The following EFL1 variants were observed in gnomAD, a reference collection of about 807,000 sequenced individuals.
EFL1 encodes elongation factor like GTPase 1.
Under a neutral mutation model 126.7 loss-of-function variants are expected in EFL1, and 76 were observed. That is an observed-to-expected ratio of 0.60 (90% CI 0.50 to 0.73). The LOEUF (loss-of-function observed/expected upper bound fraction) is 0.73. Ranked by LOEUF, EFL1 falls within the 30% of genes least tolerant of loss-of-function variation. EFL1 has a pLI of 0.00. For missense variants in EFL1, 1,128 were observed against 1,343.2 expected, an observed-to-expected ratio of 0.84 and a Z score of 2.50; for synonymous variants, 410 against 448.4, an observed-to-expected ratio of 0.91 and a Z score of 1.08.
intron 14 of EFL1, 135 bp downstream of exon 14, chr15:82,219,517 T>C: frequency 3.2e-6 from 3 of 946,682 alleles, no homozygotes; most frequent in Non-Finnish European, 3.1e-6. Context: ...CACAAAAGGA[T>C]ACACAGTCAC....
At chr15:82,215,807 T>C (rs1200387728) in intron 14 of EFL1, 3 of 152,060 alleles carry the variant, frequency 2.0e-5, no homozygotes, top group Non-Finnish European at 2.9e-5. Context: ...TGTGCTAGGG[T>C]AGACTCTAGA....
At chr15:82,177,687 C>T (rs2074209172) in intron 15 of EFL1, among the ~76,000 whole-genome samples, 1 of 152,188 alleles carries the variant, frequency 6.6e-6, no homozygotes, top group Non-Finnish European at 1.5e-5. Flanking sequence ...AGTCCCAGCA[C>T]CACATGCTTC....
intron 15 of EFL1, among the ~76,000 whole-genome samples, chr15:82,187,158 C>T (rs1167208947): frequency 6.6e-6 from 1 of 152,204 alleles, no homozygotes. Flanking sequence ...AGCACTAGTG[C>T]TACTGTAGTG....
At chr15:82,218,341 T>C (rs886097994) in intron 14 of EFL1, among the ~76,000 whole-genome samples, 6 of 152,152 alleles carry the variant, frequency 3.9e-5, no homozygotes, top group Non-Finnish European at 5.9e-5. Context: ...TTAGGTTTTA[T>C]GGTGCTCTGG....
chr15:82,157,875 C>T lies in EFL1; in HGVS notation c.1883-15G>A, dbSNP rs375810682. ...AGGCATTTCACCTAGGTTAACAAAA[C>T]GAAATAGATTAAATATGATATAAGA... On this transcript the variant is annotated splice_polypyrimidine_tract_variant and intron_variant, in intron 16 of 19. Transcript: ENST00000268206. 5.9e-5 allele frequency: 95 copies of T among 1,606,872 alleles called. No individual in the cohort carries two copies. The highest frequency in any genetic ancestry group is 1.5e-4 in the African/African-American group (11 of 74,788).
intron 18 of EFL1, among the ~76,000 whole-genome samples, chr15:82,145,842 A>C (rs201132823): frequency 1.4e-5 from 1 of 72,754 alleles, no homozygotes; most frequent in Non-Finnish European, 2.8e-5. Context: ...ATCTCAAAAA[A>C]CCAAAAAAAA....
intron 15 of EFL1, among the ~76,000 whole-genome samples, chr15:82,177,545 AC>A (rs1361639135): frequency 6.6e-6 from 1 of 152,108 alleles, no homozygotes; most frequent in East Asian, 1.9e-4. Flanking sequence ...ACTTCTGTCT[AC>A]CCTCTGGCTC....
chr15:82,148,823 C>A (rs528189783), intron 18 of EFL1, among the ~76,000 whole-genome samples: 1 of 152,254 alleles, frequency 6.6e-6, no homozygotes, highest in Admixed American at 6.5e-5. Flanking sequence ...ATAAACACTG[C>A]GTTCCATAAA....
intron 15 of EFL1, among the ~76,000 whole-genome samples, chr15:82,172,874 A>G (rs970979469): frequency 3.9e-5 from 6 of 152,208 alleles, no homozygotes; most frequent in Admixed American, 2.0e-4. Flanking sequence ...AAATCACTTC[A>G]CTTTTATTTA....
chr15:82,208,126 TAA>T (rs1313448727), intron 15 of EFL1, among the ~76,000 whole-genome samples: 1 of 152,070 alleles, frequency 6.6e-6, no homozygotes, highest in East Asian at 1.9e-4. Flanking sequence ...TATATTAAAA[TAA>T]AAAGACAAAT....
intron 1 of EFL1, 63 bp from the exon 2 acceptor site, chr15:82,261,860 T>C (rs904373165): frequency 5.9e-5 from 78 of 1,313,286 alleles, no homozygotes; most frequent in Non-Finnish European, 7.5e-5. Context: ...AAGAAAAAAA[T>C]AATAATAAAC....
At chr15:82,203,359 G>A (rs1567061622) in intron 15 of EFL1, among the ~76,000 whole-genome samples, 1 of 152,078 alleles carries the variant, frequency 6.6e-6, no homozygotes, top group Admixed American at 6.5e-5. Flanking sequence ...TATATGGCAT[G>A]TACATGTTTT....
intron 12 of EFL1, 81 bp downstream of exon 12, chr15:82,225,082 GCC>G (rs540123015): frequency 1.0e-5 from 10 of 996,674 alleles, no homozygotes; most frequent in Non-Finnish European, 1.5e-5. Context: ...CATTATCCGT[GCC>G]CCCCCTACCC....
At chr15:82,170,916 G>C (rs1292741061) in intron 15 of EFL1, among the ~76,000 whole-genome samples, 1 of 152,074 alleles carries the variant, frequency 6.6e-6, no homozygotes, top group Non-Finnish European at 1.5e-5. Context: ...TAAATAAATG[G>C]GGGAAACACA....
chr15:82,183,968 G>C (rs537754407), intron 15 of EFL1, among the ~76,000 whole-genome samples: 1 of 152,174 alleles, frequency 6.6e-6, no homozygotes, highest in African/African-American at 2.4e-5. Context: ...CTTCATGCCT[G>C]TGTCCATGGT....
At chr15:82,149,046 C>T (rs1567040810) in intron 18 of EFL1, among the ~76,000 whole-genome samples, 2 of 151,412 alleles carry the variant, frequency 1.3e-5, no homozygotes, top group South Asian at 2.1e-4. Flanking sequence ...GTAACTTCAT[C>T]GAAACATTTG....
chr15:82,155,781 T>G (rs1366191417), intron 17 of EFL1, among the ~76,000 whole-genome samples: 1 of 152,260 alleles, frequency 6.6e-6, no homozygotes, highest in Non-Finnish European at 1.5e-5. Flanking sequence ...CTAGTGGGTA[T>G]GCAGAAGTAT....
intron 19 of EFL1, among the ~76,000 whole-genome samples, chr15:82,133,471 G>T (rs1284975617): frequency 6.6e-6 from 1 of 152,272 alleles, no homozygotes; most frequent in South Asian, 2.1e-4. Flanking sequence ...AACATAAATT[G>T]CACAATGGTA....
chr15:82,198,696 A>T (rs1306990526), intron 15 of EFL1, among the ~76,000 whole-genome samples: 3 of 152,276 alleles, frequency 2.0e-5, no homozygotes, highest in Non-Finnish European at 4.4e-5. Flanking sequence ...AAGGAAGGCC[A>T]TAGAGATTCA....
Sources: allele counts gnomAD v4.1 joint callset (sites outside exome capture counted in the v4.1 genomes callset), GRCh38; gene constraint gnomAD v4.1.1; transcripts MANE v1.5; gene names NCBI Gene and HGNC (gene_info 2026-07-23, HGNC 2026-07-21).